C2CD3: variants seen among roughly 807,000 people sequenced by gnomAD.
C2CD3 encodes the protein C2 domain-containing protein 3.
C2CD3 carries 148 observed loss-of-function variants against 234.0 expected under a neutral mutation model. The observed-to-expected ratio is 0.63, with a 90% CI of 0.55 to 0.72. The LOEUF (loss-of-function observed/expected upper bound fraction) is 0.72. Ranked by LOEUF, C2CD3 falls within the 30% of genes least tolerant of loss-of-function variation. The probability of loss-of-function intolerance (pLI) is 0.00; values close to 1 mark genes in which losing one functional copy is unlikely to be tolerated. For missense variants in C2CD3, 2,577 were observed against 2,811.5 expected (o/e 0.92, Z 1.89); for synonymous variants, 1,000 against 1,035.4 (o/e 0.97, Z 0.66).
intron 22 of C2CD3, among the ~76,000 whole-genome samples, chr11:74,081,620 TC>T (rs1565269287): frequency 4.7e-5 from 7 of 149,194 alleles, no homozygotes; most frequent in African/African-American, 1.5e-4. Flanking sequence ...ATCATCATCA[TC>T]ATCACCATCA....
chr11:74,123,407 G>A (rs1407569050), intron 7 of C2CD3, among the ~76,000 whole-genome samples: 3 of 152,230 alleles, frequency 2.0e-5, no homozygotes, highest in Admixed American at 2.0e-4. Flanking sequence ...CTTATTATGT[G>A]CTAGGTCCTG....
chr11:74,111,881 A>G (rs1363505205), intron 11 of C2CD3, among the ~76,000 whole-genome samples: 1 of 150,848 alleles, frequency 6.6e-6, no homozygotes, highest in Non-Finnish European at 1.5e-5. Flanking sequence ...CATGGAAGCC[A>G]AAAGATTGGA....
Position 74,058,096 on chromosome 11 carries a change from A to C in C2CD3, c.4952-552T>G, listed in dbSNP as rs77184802. ...TCTGTACTTTGTGGGAAGATGGAAA[A>C]TACTGTGTTGAGAGGCAAAAGACAG... is the stretch of plus-strand genomic sequence containing the variant. On this transcript the variant is annotated intron_variant, in intron 24 of 32. Coordinates refer to ENST00000334126, the MANE Select transcript of C2CD3 (RefSeq NM_001286577.2). 7.7e-3 allele frequency among the ~76,000 whole-genome samples: 1,174 copies of C among 152,314 alleles called. 8 individuals carry two copies. The highest frequency in any genetic ancestry group is 0.026 in the African/African-American group (1,081 of 41,560).
Position 74,013,478 on chromosome 11 carries a change from G to T in C2CD3, c.6969C>A (p.Arg2323=). The change falls in exon 33 of 33, where the codon CGC becomes CGA. Residue 2323 remains arginine, a synonymous_variant. Transcript: ENST00000334126. The stretch of plus-strand genomic sequence containing the variant: ...TGAGGGGGAGCGAGTTAGGTCTGGG[G>T]CGACAAGGCCTTTGGGAGAGAGCTC... ...TRGALSQRPC[R]PRPNSLPLNL... is the part of the protein sequence containing the mutation. 2 of 1,417,210 alleles carry T rather than the reference G, an allele frequency of 1.4e-6. No individual in the cohort carries two copies. The highest frequency in any genetic ancestry group is 1.5e-5 in the African/African-American group (1 of 67,860). 87.8% of individuals were successfully genotyped at this position (1,417,210 alleles called of 1,614,324 possible).
chr11:74,092,096 A>C (rs1388356666), intron 19 of C2CD3, among the ~76,000 whole-genome samples: 1 of 151,672 alleles, frequency 6.6e-6, no homozygotes, highest in Non-Finnish European at 1.5e-5. Flanking sequence ...TTTGTTGCCC[A>C]GGCTGGAGTA....
chr11:74,077,821 A>AGTCTCTT (rs1955132431), intron 23 of C2CD3, among the ~76,000 whole-genome samples: 2 of 24,052 alleles, frequency 8.3e-5, no homozygotes, highest in Non-Finnish European at 1.4e-4. Flanking sequence ...ATATATATAT[A>AGTCTCTT]TATATATATA....
At chr11:74,049,978 A>T (rs1953597585) in intron 26 of C2CD3, among the ~76,000 whole-genome samples, 1 of 151,602 alleles carries the variant, frequency 6.6e-6, no homozygotes, top group South Asian at 2.1e-4. Context: ...ATGGGGTCTT[A>T]CTATGTTGCC....
At chr11:74,081,140 T>C (rs566891462) in intron 22 of C2CD3, among the ~76,000 whole-genome samples, 2 of 152,254 alleles carry the variant, frequency 1.3e-5, no homozygotes, top group South Asian at 2.1e-4. Flanking sequence ...GCACACCTAC[T>C]ATGTGTCAGG....
intron 7 of C2CD3, among the ~76,000 whole-genome samples, chr11:74,131,270 C>T (rs1347785187): frequency 6.6e-6 from 1 of 150,994 alleles, no homozygotes; most frequent in Non-Finnish European, 1.5e-5. Flanking sequence ...TTGCAGTAAG[C>T]CGAGATCAAG....
At chr11:74,130,303 G>A (rs1957620320) in intron 7 of C2CD3, among the ~76,000 whole-genome samples, 1 of 149,316 alleles carries the variant, frequency 6.7e-6, no homozygotes, top group Non-Finnish European at 1.5e-5. Context: ...CTAGCTCATT[G>A]TATCCTTGAA....
chr11:74,039,888 A>C (rs573802162), intron 29 of C2CD3, among the ~76,000 whole-genome samples: 1 of 152,344 alleles, frequency 6.6e-6, no homozygotes, highest in African/African-American at 2.4e-5. Context: ...GAATGACCCA[A>C]AAAAATACAA....
At chr11:74,041,359 T>G (rs1424649336) in intron 29 of C2CD3, among the ~76,000 whole-genome samples, 1 of 152,226 alleles carries the variant, frequency 6.6e-6, no homozygotes, top group Non-Finnish European at 1.5e-5. Flanking sequence ...TGGCGTAAGT[T>G]CTTTCTGCAC....
chr11:74,125,267 G>C (rs1957371437), intron 7 of C2CD3, among the ~76,000 whole-genome samples: 1 of 152,018 alleles, frequency 6.6e-6, no homozygotes. Context: ...TGGGCTCAAG[G>C]GTTCCTCCTG....
At chr11:74,119,026 C>G (rs1957124725) in intron 8 of C2CD3, among the ~76,000 whole-genome samples, 1 of 151,492 alleles carries the variant, frequency 6.6e-6, no homozygotes, top group Non-Finnish European at 1.5e-5. Flanking sequence ...CCTCTTACCT[C>G]AGCCTCCCAA....
intron 29 of C2CD3, 151 bp downstream of exon 29, chr11:74,041,903 G>T: frequency 2.9e-6 from 2 of 696,712 alleles, no homozygotes; most frequent in Non-Finnish European, 4.8e-6. Flanking sequence ...GAGGCTCCAG[G>T]GTCCAACCTG....
At chr11:74,041,799 G>A (rs1315451765) in intron 29 of C2CD3, among the ~76,000 whole-genome samples, 2 of 152,194 alleles carry the variant, frequency 1.3e-5, no homozygotes, top group African/African-American at 4.8e-5. Context: ...TGAACAATCT[G>A]AAGCTCCTAC....
At chr11:74,169,316 C>A (rs1467235002) in intron 1 of C2CD3, among the ~76,000 whole-genome samples, 3 of 152,306 alleles carry the variant, frequency 2.0e-5, no homozygotes, top group African/African-American at 7.2e-5. Context: ...AAAGTGTAAA[C>A]AAAGCAATTA....
chr11:74,033,254 CT>C (rs1465282836), intron 31 of C2CD3, 96 bp downstream of exon 31: 20 of 979,716 alleles, frequency 2.0e-5, no homozygotes, highest in Non-Finnish European at 2.7e-5. Flanking sequence ...TCCATGCCCC[CT>C]AGTGCATTCC....
At chr11:74,156,414 T>C (rs1244508362) in intron 3 of C2CD3, among the ~76,000 whole-genome samples, 3 of 146,480 alleles carry the variant, frequency 2.0e-5, no homozygotes, top group Non-Finnish European at 4.5e-5. Flanking sequence ...TCAGTTGAGA[T>C]TGCATCACTG....
Sources: gnomAD v4.1 joint callset for allele counts (sites outside exome capture counted in the v4.1 genomes callset) on GRCh38, gnomAD v4.1.1 for gene constraint, MANE v1.5 for transcripts, NCBI Gene and HGNC (gene_info 2026-07-23, HGNC 2026-07-21) for gene names.